Variants in TBC1D16 observed in about 807,000 individuals in gnomAD.
The protein encoded by TBC1D16 is TBC1 domain family member 16, also known as CTD-2529O21.1.
In TBC1D16, 58 loss-of-function variants were observed where a neutral mutation model predicts 74.7. The observed-to-expected ratio is 0.78, with a 90% confidence interval of 0.63 to 0.97. The LOEUF is 0.97. Ranked by LOEUF, TBC1D16 falls within the 50% of genes least tolerant of loss-of-function variation. The pLI, the probability that TBC1D16 is intolerant of heterozygous loss-of-function variation, is 0.00. For missense variants in TBC1D16, 1,014 were observed against 1,079.5 expected (o/e 0.94, Z 0.85); for synonymous variants, 493 against 474.7 (o/e 1.04, Z -0.50).
rs1179828600 is a variant in TBC1D16, at chr17:79,947,698, G to C, written c.1675C>G (p.Gln559Glu). The C allele has an allele frequency of 6.2e-7, 1 of 1,614,116 alleles. No homozygotes were observed. Among genetic ancestry groups the C allele is most frequent in the Non-Finnish European group, 8.5e-7 (1 of 1,180,030 alleles). Residue 559 changes from glutamine to glutamate, a missense_variant, in exon 9 of 12, where the codon CAG (glutamine) becomes GAG (glutamate). Gln to Glu is a conservative substitution (Grantham distance 29). Transcript: ENST00000310924. ...GGTGAGCTGACGAAGATCGTGTTCT[G>C]CATCAAACCCACAAAGCACCAGAAG... ...DTFWCFVGLM[Q>E]NTIFVSSPRD...
Position 79,947,876 on chromosome 17 carries a change from G to A in TBC1D16, c.1542-45C>T, listed in dbSNP as rs149152938. The A allele has an allele frequency of 1.6e-4, 241 of 1,526,744 alleles. 1 individual carries two copies. The East Asian group carries it at 4.6e-3, about 29-fold the overall frequency. 94.6% of individuals were successfully genotyped at this position (1,526,744 alleles called of 1,614,324 possible). A position where few individuals can be genotyped will look rare whatever the true frequency, so the allele number is the denominator to read the frequency against. ...GCAGTGGGTGGGGATGACCCTCACC[G>A]CGGCACACTGCCCAGCCTGCAGAAC... On this transcript the variant is annotated intron_variant, in intron 8 of 11. Transcript: ENST00000310924.
intron 10 of TBC1D16, chr17:79,943,845 G>A (rs1397248595): frequency 1.3e-5 from 18 of 1,375,136 alleles, no homozygotes; most frequent in Middle Eastern, 2.8e-4. Flanking sequence ...GAATGAGGGC[G>A]GCAAATCTGC....
chr17:79,997,443 C>T (rs889198980), intron 3 of TBC1D16, among the ~76,000 whole-genome samples: 4 of 152,002 alleles, frequency 2.6e-5, no homozygotes, highest in African/African-American at 4.8e-5. Context: ...AGGTGGCTCA[C>T]GTTACATTTC....
At chr17:80,030,557 G>A (rs1398288296) in intron 1 of TBC1D16, among the ~76,000 whole-genome samples, 1 of 152,208 alleles carries the variant, frequency 6.6e-6, no homozygotes, top group African/African-American at 2.4e-5. Flanking sequence ...AACCCTCCTG[G>A]AGGTAGCCTG....
chr17:79,955,836 T>C lies in TBC1D16; in HGVS notation c.780-3018A>G, dbSNP rs1278158108. ...ACACTGGGTTCTCCCTCCACCACAG[T>C]AAACTATGCCATGTCAGATACAGAG... On this transcript the variant is annotated intron_variant, in intron 3 of 11. Coordinates refer to ENST00000310924, the MANE Select transcript of TBC1D16 (RefSeq NM_019020.4). Among the ~76,000 whole-genome samples, 4 of 152,212 alleles carry C rather than the reference T, an allele frequency of 2.6e-5. No homozygotes were observed. In the East Asian group the frequency reaches 7.7e-4, roughly 29 times the overall value.
chr17:79,979,410 G>C lies in TBC1D16; in HGVS notation c.780-26592C>G, dbSNP rs1462383207. Reference sequence around the variant, plus strand: ...GTGCCGCCAATCACGTGGCCCTCTCGAGGTGAAGCTGCGACACTGTGTGGA... The same window carrying C: ...GTGCCGCCAATCACGTGGCCCTCTCCAGGTGAAGCTGCGACACTGTGTGGA... On this transcript the variant is annotated intron_variant, in intron 3 of 11. Transcript: ENST00000310924. This position sits in a 1 kb window ranked among gnomAD's most constrained non-coding sequence, Gnocchi z 4.8. 6.6e-6 allele frequency among the ~76,000 whole-genome samples: 1 copy of C among 152,184 alleles called. No individual in the cohort carries two copies. Among genetic ancestry groups the C allele is most frequent in the Non-Finnish European group, 1.5e-5 (1 of 68,026 alleles).
At chr17:80,012,734 T>C (rs2035939747) in intron 2 of TBC1D16, among the ~76,000 whole-genome samples, 1 of 152,202 alleles carries the variant, frequency 6.6e-6, no homozygotes, top group East Asian at 1.9e-4. Context: ...TTTTGCCATC[T>C]TGTCTGGGAC....
Position 79,987,499 on chromosome 17 carries a change from G to A in TBC1D16, c.779+22661C>T, listed in dbSNP as rs187689334. Among the ~76,000 whole-genome samples, 637 of 152,072 alleles carry A rather than the reference G, an allele frequency of 4.2e-3. 9 individuals carry two copies. Among genetic ancestry groups the A allele is most frequent in the African/African-American group, 0.015 (612 of 41,454 alleles). ...TGGGCTCAAGCGCTCCTCCTGCCTC[G>A]GCCTCCCAAAGTGCTAGGATTACAG... On this transcript the variant is annotated intron_variant, in intron 3 of 11. Transcript: ENST00000310924. The surrounding 1 kb of genome is among the most constrained non-coding windows in gnomAD (Gnocchi z 5.2).
rs769493881 is a variant in TBC1D16 at position 79,944,951 on chromosome 17, G to C, written c.1865C>G (p.Ala622Gly). The C allele has an allele frequency of 6.4e-7, 1 of 1,555,172 alleles. No individual in the cohort carries two copies. Among genetic ancestry groups the C allele is most frequent in the Admixed American group, 2.0e-5 (1 of 51,232 alleles). ...LLCFKREFPEAEALRIWEACW... is the reference protein window; with the variant it reads ...LLCFKREFPEGEALRIWEACW... Reference sequence around the variant, plus strand: ...GGCCTCCCAGATCCGCAGCGCTTCGGCCTCGGGGAACTCCCGCTTGAAGCA... The same window carrying C: ...GGCCTCCCAGATCCGCAGCGCTTCGCCCTCGGGGAACTCCCGCTTGAAGCA... Residue 622 changes from alanine to glycine, a missense_variant, in exon 10 of 12, where the codon GCC becomes GGC. Coordinates refer to ENST00000310924, the MANE Select transcript of TBC1D16 (RefSeq NM_019020.4). The surrounding 1 kb of genome is among the most constrained non-coding windows in gnomAD (Gnocchi z 7.7).
chr17:79,972,549 G>T (rs996573898), intron 3 of TBC1D16, among the ~76,000 whole-genome samples: 3 of 152,168 alleles, frequency 2.0e-5, no homozygotes, highest in Non-Finnish European at 4.4e-5. Context: ...AGTGAAAGAC[G>T]CCAGACACAG....
At chr17:79,969,996 G>A (rs1291171334) in intron 3 of TBC1D16, among the ~76,000 whole-genome samples, 1 of 152,140 alleles carries the variant, frequency 6.6e-6, no homozygotes, top group East Asian at 1.9e-4. Flanking sequence ...GTACACACAT[G>A]TTCATAGTAG....
At chr17:79,955,715 G>A (rs1379262659) in intron 3 of TBC1D16, among the ~76,000 whole-genome samples, 1 of 152,158 alleles carries the variant, frequency 6.6e-6, no homozygotes, top group Non-Finnish European at 1.5e-5. Flanking sequence ...TTTAAGAAAT[G>A]TAGCAGTTCT....
Position 79,981,740 on chromosome 17 carries a change from T to C in TBC1D16, c.779+28420A>G, listed in dbSNP as rs1014038071. Among the ~76,000 whole-genome samples, 2 of 152,204 alleles carry C rather than the reference T, an allele frequency of 1.3e-5. No individual in the cohort carries two copies. Among genetic ancestry groups the C allele is most frequent in the South Asian group, 2.1e-4 (1 of 4,830 alleles). ...CTCGGAGCGGCTCCCTCGGCTCTTC[T>C]GTAATCTCAGCAAGAACGTGCTCAC... On this transcript the variant is annotated intron_variant, in intron 3 of 11. Coordinates refer to ENST00000310924, the MANE Select transcript of TBC1D16 (RefSeq NM_019020.4). This position sits in a 1 kb window ranked among gnomAD's most constrained non-coding sequence, Gnocchi z 6.9.
At chr17:79,984,199 CT>C (rs1254977858) in intron 3 of TBC1D16, among the ~76,000 whole-genome samples, 1 of 152,128 alleles carries the variant, frequency 6.6e-6, no homozygotes, top group East Asian at 1.9e-4. Flanking sequence ...TTTTTCAATA[CT>C]TTTTTGTAAA....
At chr17:80,030,973 G>A (rs549736783) in intron 1 of TBC1D16, among the ~76,000 whole-genome samples, 22 of 152,364 alleles carry the variant, frequency 1.4e-4, no homozygotes, top group Admixed American at 1.1e-3. Flanking sequence ...TTAAACACGA[G>A]CCAGACACAC....
intron 1 of TBC1D16, among the ~76,000 whole-genome samples, chr17:80,024,501 C>A (rs1376858527): frequency 6.7e-6 from 1 of 148,794 alleles, no homozygotes; most frequent in Non-Finnish European, 1.5e-5. Context: ...ACACCACACG[C>A]ACCATAGACA....
intron 3 of TBC1D16, among the ~76,000 whole-genome samples, chr17:79,963,505 T>C (rs1335902553): frequency 6.6e-6 from 1 of 152,206 alleles, no homozygotes; most frequent in Non-Finnish European, 1.5e-5. Context: ...AATTGACGGG[T>C]TGCTCTATGT....
At position 79,949,698 on chromosome 17, in the gene TBC1D16, G is replaced by C. The variant is rs974908963; in HGVS notation, c.1406+19C>G. On this transcript the variant is annotated intron_variant, in intron 7 of 11. Transcript: ENST00000310924. ...CTCCGCGGCTCGGCGGGGTGGGCCGGGCTGGCCCCGGCGGTTACCTTTTCT... is the reference window on the plus strand; with the variant it reads ...CTCCGCGGCTCGGCGGGGTGGGCCGCGCTGGCCCCGGCGGTTACCTTTTCT... The C allele has an allele frequency of 1.9e-6, 3 of 1,594,918 alleles. No individual in the cohort carries two copies. Among genetic ancestry groups the C allele is most frequent in the African/African-American group, 1.3e-5 (1 of 74,596 alleles).
chr17:79,993,420 C>G lies in TBC1D16; in HGVS notation c.779+16740G>C, dbSNP rs1401593552. Among the ~76,000 whole-genome samples, 1 of 152,192 alleles carries G rather than the reference C, an allele frequency of 6.6e-6. No homozygotes were observed. Among genetic ancestry groups the G allele is most frequent in the Non-Finnish European group, 1.5e-5 (1 of 68,022 alleles). On this transcript the variant is annotated intron_variant, in intron 3 of 11. Coordinates refer to ENST00000310924, the MANE Select transcript of TBC1D16 (RefSeq NM_019020.4). This position sits in a 1 kb window ranked among gnomAD's most constrained non-coding sequence, Gnocchi z 5.1. ...CAGGAGGCACTTAGGTGGACGGGCA[C>G]CAGGAGCCCTGTGTCCTCTGCCTTG...
Sources: gnomAD v4.1 joint callset for allele counts (sites outside exome capture counted in the v4.1 genomes callset) on GRCh38, gnomAD v4.1.1 for gene constraint, Gnocchi (gnomAD v3.1) non-coding constraint, MANE v1.5 for transcripts, NCBI Gene and HGNC (gene_info 2026-07-23, HGNC 2026-07-21) for gene names.